The following MAEA variants were observed in gnomAD, a reference collection of about 807,000 sequenced individuals.
MAEA encodes the protein macrophage erythroblast attacher, E3 ubiquitin ligase, also known as E3 ubiquitin-protein transferase MAEA.
In MAEA, 22 loss-of-function variants were observed where a neutral mutation model predicts 46.2. That is an observed-to-expected ratio of 0.48 (90% CI 0.34 to 0.68). The LOEUF (loss-of-function observed/expected upper bound fraction) is 0.68. Ranked by LOEUF, MAEA falls within the 30% of genes least tolerant of loss-of-function variation. MAEA has a pLI of 0.01. For synonymous variants in MAEA, 246 were observed against 222.6 expected (o/e 1.11, Z -0.94); for missense variants, 393 against 558.1 (o/e 0.70, Z 2.98).
intron 3 of MAEA, among the ~76,000 whole-genome samples, 168 bp downstream of exon 3, chr4:1,315,768 CCCCCCTCCAGTGTGTGTGTGTGT>C (rs1737059316): frequency 9.3e-6 from 1 of 107,712 alleles, no homozygotes; most frequent in Non-Finnish European, 1.9e-5. Flanking sequence ...GTGCGTGTGT[CCCCCCTCCAGTGTGTGTGTGTGT>C]CCCCCTCCCC....
chr4:1,329,642 G>A, intron 5 of MAEA: 1 of 985,546 alleles, frequency 1.0e-6, no homozygotes. Context: ...GGTCAGGGAA[G>A]TCCGGCCTCA....
chr4:1,321,241 G>C (rs1430118254), intron 3 of MAEA, among the ~76,000 whole-genome samples: 1 of 151,882 alleles, frequency 6.6e-6, no homozygotes, highest in Non-Finnish European at 1.5e-5. Context: ...GCTATGAAGG[G>C]GCTTCAGAAA....
intron 1 of MAEA, among the ~76,000 whole-genome samples, chr4:1,310,904 C>G (rs1052655512): frequency 4.6e-5 from 7 of 152,256 alleles, no homozygotes; most frequent in Non-Finnish European, 1.0e-4. Context: ...CTCTGTTGCC[C>G]TGGCTGTCCC....
In MAEA at chr4:1,322,369, C is replaced by T. The variant is rs1454528712; in HGVS notation, c.457-12C>T. 1.2e-6 allele frequency: 2 copies of T among 1,613,480 alleles called. No homozygotes were observed. Among genetic ancestry groups the T allele is most frequent in the African/African-American group, 1.3e-5 (1 of 74,922 alleles). Reference sequence around the variant, plus strand: ...AGCACATTCTGATCAGGTGCTGCTTCCTTCCTCTAAGGACCTAGTGAATAT... The same window carrying T: ...AGCACATTCTGATCAGGTGCTGCTTTCTTCCTCTAAGGACCTAGTGAATAT... On this transcript the variant is annotated splice_polypyrimidine_tract_variant and intron_variant, in intron 3 of 8. Coordinates refer to ENST00000303400, the MANE Select transcript of MAEA (RefSeq NM_001017405.3).
intron 5 of MAEA, chr4:1,332,480 C>A (rs746104461): frequency 1.3e-5 from 4 of 297,140 alleles, no homozygotes; most frequent in African/African-American, 6.6e-5. Flanking sequence ...TTTGGGAGGC[C>A]GGGGCAGGAA....
chr4:1,327,487 C>T, intron 4 of MAEA, 140 bp from the exon 5 acceptor site: 2 of 720,420 alleles, frequency 2.8e-6, no homozygotes, highest in Non-Finnish European at 2.5e-6. Context: ...TCAGCCTCAG[C>T]CCTGCCTTCC....
intron 5 of MAEA, chr4:1,330,325 T>TC (rs55818312): frequency 2.9e-4 from 47 of 163,300 alleles, no homozygotes; most frequent in Admixed American, 4.0e-4. Flanking sequence ...TCTCTCTCTC[T>TC]TTCCGTGTGT....
At position 1,334,143 on chromosome 4, in the gene MAEA, C is replaced by T. The variant is rs147565322; in HGVS notation, c.765+1278C>T. Among the ~76,000 whole-genome samples, 24 of 68,752 alleles carry T rather than the reference C, an allele frequency of 3.5e-4. 3 individuals carry two copies. Among genetic ancestry groups the T allele is most frequent in the East Asian group, 2.6e-3 (7 of 2,654 alleles). The allele number at this position is 68,752 out of a possible 152,430, so 45.1% of individuals were successfully genotyped here. On this transcript the variant is annotated intron_variant, in intron 6 of 8. Transcript: ENST00000303400. ...ATGCCCACCCCATGCCCACCATGTG[C>T]TCACCCCTGCATCCACCCCCATGCC...
At chr4:1,330,053 T>TC in intron 5 of MAEA, 1 of 985,392 alleles carries the variant, frequency 1.0e-6, no homozygotes, top group South Asian at 4.7e-5. Flanking sequence ...GCAGGGGGCC[T>TC]CGTTGGCTGG....
chr4:1,334,299 C>T (rs997269087), intron 6 of MAEA, among the ~76,000 whole-genome samples: 3 of 151,932 alleles, frequency 2.0e-5, no homozygotes, highest in African/African-American at 2.4e-5. Flanking sequence ...GGGTGTTTCC[C>T]GGCAGCCCCC....
At chr4:1,298,554 G>A (rs1735007544) in intron 1 of MAEA, among the ~76,000 whole-genome samples, 1 of 152,180 alleles carries the variant, frequency 6.6e-6, no homozygotes, top group South Asian at 2.1e-4. Context: ...TATAGTCAGG[G>A]CACCAGGTAA....
intron 1 of MAEA, among the ~76,000 whole-genome samples, chr4:1,310,806 C>A (rs1333853853): frequency 6.6e-6 from 1 of 152,204 alleles, no homozygotes; most frequent in South Asian, 2.1e-4. Context: ...GCCTTGCCAC[C>A]CGCCTCCTGC....
At chr4:1,326,040 C>T (rs935597072) in intron 4 of MAEA, among the ~76,000 whole-genome samples, 2 of 152,204 alleles carry the variant, frequency 1.3e-5, no homozygotes, top group Non-Finnish European at 1.5e-5. Context: ...CCCTGGAAGG[C>T]AGGTGGCCCC....
chr4:1,326,447 T>A (rs1318979938), intron 4 of MAEA, among the ~76,000 whole-genome samples: 1 of 152,174 alleles, frequency 6.6e-6, no homozygotes, highest in East Asian at 1.9e-4. Context: ...AGAATCCGCG[T>A]CTCATCTTGG....
intron 1 of MAEA, among the ~76,000 whole-genome samples, chr4:1,303,073 A>G (rs1735479576): frequency 6.6e-6 from 1 of 151,732 alleles, no homozygotes; most frequent in Non-Finnish European, 1.5e-5. Context: ...CTTATCCCCA[A>G]GACCAGTAGA....
chr4:1,327,078 A>G (rs1217926415), intron 4 of MAEA, among the ~76,000 whole-genome samples: 1 of 152,090 alleles, frequency 6.6e-6, no homozygotes, highest in Non-Finnish European at 1.5e-5. Context: ...GCAGCCCCAC[A>G]TGTGGTCCCT....
At chr4:1,329,875 A>G (rs1437482447) in intron 5 of MAEA, 8 of 985,436 alleles carry the variant, frequency 8.1e-6, no homozygotes, top group Non-Finnish European at 9.6e-6. Flanking sequence ...ACCTGCTGCC[A>G]GGGTCCCAGC....
chr4:1,328,554 G>C, intron 5 of MAEA: 1 of 1,109,046 alleles, frequency 9.0e-7, no homozygotes, highest in Non-Finnish European at 1.1e-6. Flanking sequence ...CCGGGCGAGT[G>C]CCCAGCAGGT....
intron 1 of MAEA, among the ~76,000 whole-genome samples, chr4:1,295,668 C>T (rs1275208160): frequency 2.6e-5 from 2 of 77,724 alleles, no homozygotes; most frequent in African/African-American, 1.1e-4. Context: ...CGCTCCTGTA[C>T]CCCCTCACCC....
Sources: allele counts gnomAD v4.1 joint callset (sites outside exome capture counted in the v4.1 genomes callset), GRCh38; gene constraint gnomAD v4.1.1; transcripts MANE v1.5; gene names NCBI Gene and HGNC (gene_info 2026-07-23, HGNC 2026-07-21).